Variants in NNT observed in about 807,000 individuals in gnomAD.
NNT encodes the protein nicotinamide nucleotide transhydrogenase.
In NNT, 50 loss-of-function variants were observed where a neutral mutation model predicts 104.8. The ratio of observed to expected loss-of-function variants is 0.48; its 90% CI spans 0.38 to 0.60. NNT has a LOEUF of 0.60. Among genes scored for constraint, NNT ranks in the 20% least tolerant of loss-of-function variants. NNT has a pLI of 0.00. For synonymous variants in NNT, 461 were observed against 490.4 expected (o/e 0.94, Z 0.79); for missense variants, 1,131 against 1,330.7 (o/e 0.85, Z 2.33).
intron 7 of NNT, among the ~76,000 whole-genome samples, chr5:43,635,986 A>G (rs1364953162): frequency 1.3e-5 from 2 of 152,128 alleles, no homozygotes; most frequent in Admixed American, 1.3e-4. Context: ...CTACTTTGTA[A>G]TTTTATGTGT....
At chr5:43,672,567 C>T (rs1164326492) in intron 17 of NNT, among the ~76,000 whole-genome samples, 1 of 152,224 alleles carries the variant, frequency 6.6e-6, no homozygotes, top group Non-Finnish European at 1.5e-5. Context: ...CCGTGTTTGC[C>T]TGGGTATCAG....
chr5:43,646,552 G>T (rs1227303591), intron 10 of NNT, among the ~76,000 whole-genome samples: 1 of 151,888 alleles, frequency 6.6e-6, no homozygotes, highest in Non-Finnish European at 1.5e-5. Context: ...TCCTGCCTTG[G>T]CCTCCCACAG....
At chr5:43,682,677 C>G (rs753621960) in intron 19 of NNT, among the ~76,000 whole-genome samples, 1 of 152,134 alleles carries the variant, frequency 6.6e-6, no homozygotes, top group Non-Finnish European at 1.5e-5. Context: ...TTAAAATTAT[C>G]TTGTATAGTA....
intron 19 of NNT, among the ~76,000 whole-genome samples, chr5:43,686,238 ATT>A (rs71610328): frequency 1.2e-4 from 17 of 142,110 alleles, no homozygotes; most frequent in Admixed American, 3.5e-4. Flanking sequence ...ATACTGTTGA[ATT>A]TTTTTTTTTT....
At chr5:43,684,701 C>T (rs1306649123) in intron 19 of NNT, among the ~76,000 whole-genome samples, 1 of 151,812 alleles carries the variant, frequency 6.6e-6, no homozygotes, top group East Asian at 1.9e-4. Flanking sequence ...AATTTTTATT[C>T]AGAACTGATT....
At position 43,609,352 on chromosome 5, in the gene NNT, G is replaced by A; in HGVS notation, c.151+6G>A. On this transcript the variant is annotated splice_donor_region_variant and intron_variant, in intron 2 of 21. Transcript: ENST00000344920. ...TAAAGCGCCTGTAAAACCAGGTAAA[G>A]TCTCACTTCAGTGATTGTAAATGAA... The A allele has an allele frequency of 6.2e-7, 1 of 1,613,302 alleles. No individual in the cohort carries two copies. Among genetic ancestry groups the A allele is most frequent in the Non-Finnish European group, 8.5e-7 (1 of 1,179,610 alleles).
Position 43,644,232 on chromosome 5 carries a change from GT to G in NNT, c.1006del (p.Ser336GlnfsTer2). On this transcript the variant is annotated frameshift_variant, in exon 8 of 22. Coordinates refer to ENST00000344920, the MANE Select transcript of NNT (RefSeq NM_182977.3). LOFTEE classifies it high-confidence loss of function. The part of the protein sequence containing the change: ...PVLFNKEMIE[S>X]MKEGSVVVDL... ...TTTTATTTAATAAAGAAATGATTGA[GT>G]CAATGAAGGAAGGTTCAGTTGTTGT... 1 of 1,611,584 alleles carries G rather than the reference GT, an allele frequency of 6.2e-7. No individual in the cohort carries two copies.
chr5:43,652,494 T>C (rs1312609331), intron 13 of NNT, among the ~76,000 whole-genome samples: 1 of 152,192 alleles, frequency 6.6e-6, no homozygotes, highest in Non-Finnish European at 1.5e-5. Flanking sequence ...GTTTCTTCTA[T>C]GTTTCCAACC....
intron 10 of NNT, among the ~76,000 whole-genome samples, chr5:43,647,716 C>T (rs1051221410): frequency 1.3e-5 from 2 of 151,944 alleles, no homozygotes; most frequent in South Asian, 2.1e-4. Context: ...GATAAGAAAA[C>T]CTTCAGGTGT....
At chr5:43,606,029 TAGAGACTAAA>T (rs1028440161) in intron 1 of NNT, among the ~76,000 whole-genome samples, 4 of 152,256 alleles carry the variant, frequency 2.6e-5, no homozygotes, top group Admixed American at 2.0e-4. Context: ...ATAAAATTTC[TAGAGACTAAA>T]ATGGCCTTTG....
At chr5:43,631,127 C>T (rs898703409) in intron 7 of NNT, among the ~76,000 whole-genome samples, 1 of 152,150 alleles carries the variant, frequency 6.6e-6, no homozygotes, top group Admixed American at 6.5e-5. Flanking sequence ...TCCAGATAAC[C>T]GCATCCCCCC....
At chr5:43,604,671 G>T (rs1273774099) in intron 1 of NNT, among the ~76,000 whole-genome samples, 1 of 152,136 alleles carries the variant, frequency 6.6e-6, no homozygotes, top group Non-Finnish European at 1.5e-5. Flanking sequence ...ACCCTGAGAG[G>T]TAGGTGCTGT....
chr5:43,669,487 T>G (rs1740924327), intron 17 of NNT, among the ~76,000 whole-genome samples: 1 of 152,178 alleles, frequency 6.6e-6, no homozygotes, highest in South Asian at 2.1e-4. Context: ...GTTTTTAGCA[T>G]GAAGAGTTGT....
intron 1 of NNT, among the ~76,000 whole-genome samples, chr5:43,606,375 G>A (rs751411962): frequency 6.6e-6 from 1 of 152,116 alleles, no homozygotes. Flanking sequence ...GCATAGATTC[G>A]GTAGGGGTTT....
intron 19 of NNT, among the ~76,000 whole-genome samples, chr5:43,689,154 C>T (rs1742133730): frequency 6.6e-6 from 1 of 152,168 alleles, no homozygotes; most frequent in South Asian, 2.1e-4. Context: ...GAGCATTTTT[C>T]CATATCCTAG....
intron 17 of NNT, among the ~76,000 whole-genome samples, chr5:43,671,442 T>A (rs1200834389): frequency 6.6e-6 from 1 of 152,246 alleles, no homozygotes; most frequent in Non-Finnish European, 1.5e-5. Context: ...TTTCCATGTG[T>A]AGTGCTTCCT....
Position 43,660,871 on chromosome 5 carries a change from C to T in NNT, c.2634+1521C>T, listed in dbSNP as rs374801522. Among the ~76,000 whole-genome samples the T allele has an allele frequency of 3.4e-4, 52 of 152,204 alleles. 1 individual carries two copies. In the South Asian group the frequency reaches 0.01, roughly 30 times the overall value. Reference sequence around the variant, plus strand: ...CCCGTGGCATGTGGGGATTACAATTCGACATGAGATTTGGGTAGGGACTCA... The same window carrying T: ...CCCGTGGCATGTGGGGATTACAATTTGACATGAGATTTGGGTAGGGACTCA... On this transcript the variant is annotated intron_variant, in intron 17 of 21. Coordinates refer to ENST00000344920, the MANE Select transcript of NNT (RefSeq NM_182977.3).
Position 43,626,854 on chromosome 5 carries a change from C to T in NNT, c.777-1346C>T, listed in dbSNP as rs147663630. ...GTCTGTGTATACACACATATACACA[C>T]ATATATGTATGTGTGTATATATATA... On this transcript the variant is annotated intron_variant, in intron 6 of 21. Coordinates refer to ENST00000344920, the MANE Select transcript of NNT (RefSeq NM_182977.3). Among the ~76,000 whole-genome samples the T allele has an allele frequency of 7.5e-4, 113 of 150,788 alleles. 1 individual carries two copies. The East Asian group carries it at 0.018, about 24-fold the overall frequency.
intron 2 of NNT, among the ~76,000 whole-genome samples, chr5:43,611,216 T>C (rs1004010355): frequency 4.6e-5 from 7 of 152,066 alleles, no homozygotes; most frequent in African/African-American, 1.7e-4. Context: ...AGTTCCCCTC[T>C]CTTTATTCCT....
Sources: gnomAD v4.1 joint callset for allele counts (sites outside exome capture counted in the v4.1 genomes callset) on GRCh38, gnomAD v4.1.1 for gene constraint, MANE v1.5 for transcripts, NCBI Gene and HGNC (gene_info 2026-07-23, HGNC 2026-07-21) for gene names.